The following ETF1 variants were observed in gnomAD, a reference collection of about 807,000 sequenced individuals.
ETF1 encodes eukaryotic peptide chain release factor subunit 1.
ETF1 carries 4 observed loss-of-function variants against 55.1 expected under a neutral mutation model. That is an observed-to-expected ratio of 0.07 (90% confidence interval 0.04 to 0.17). The LOEUF (loss-of-function observed/expected upper bound fraction) is 0.17, where lower values mean the gene tolerates loss of function less well. ETF1 is among the 10% of genes least tolerant of loss of function. The pLI is 1.00. For missense variants in ETF1, 142 were observed against 523.6 expected, an observed-to-expected ratio of 0.27 and a Z score of 7.11; for synonymous variants, 157 against 182.3, an observed-to-expected ratio of 0.86 and a Z score of 1.12.
intron 2 of ETF1, among the ~76,000 whole-genome samples, chr5:138,521,640 C>A (rs919829131): frequency 5.9e-5 from 9 of 152,186 alleles, no homozygotes; most frequent in African/African-American, 2.2e-4. Context: ...GATTCTCCTG[C>A]CTCAGCCTCC....
chr5:138,535,070 C>T (rs1765862239), intron 2 of ETF1, among the ~76,000 whole-genome samples: 1 of 150,964 alleles, frequency 6.6e-6, no homozygotes, highest in African/African-American at 2.4e-5. Flanking sequence ...CTTGCCTCAG[C>T]CTCCCGAGTA....
chr5:138,524,190 C>G (rs1055267426), intron 2 of ETF1, among the ~76,000 whole-genome samples: 7 of 74,310 alleles, frequency 9.4e-5, no homozygotes, highest in African/African-American at 3.7e-4. Context: ...GACTCTGTCT[C>G]AAAAAAAAAA....
Position 138,508,292 on chromosome 5 carries a change from C to T in ETF1, c.*13G>A. The T allele has an allele frequency of 6.2e-7, 1 of 1,611,820 alleles. No homozygotes were observed. The highest frequency in any genetic ancestry group is 8.5e-7 in the Non-Finnish European group (1 of 1,179,364). The stretch of plus-strand genomic sequence containing the variant: ...GAGGGTGAGGCACGTTTTGCCGGAC[C>T]CATGTCGACTACCTAGTAGTCATCA... On this transcript the variant is annotated 3_prime_UTR_variant, in exon 11 of 11. Transcript: ENST00000360541.
chr5:138,534,296 C>T (rs1765824955), intron 2 of ETF1, among the ~76,000 whole-genome samples: 1 of 152,114 alleles, frequency 6.6e-6, no homozygotes, highest in South Asian at 2.1e-4. Context: ...CAATGATAGG[C>T]ATTATTAGTC....
Position 138,528,895 on chromosome 5 carries a change from C to G in ETF1, c.87-10028G>C, listed in dbSNP as rs186537167. Among the ~76,000 whole-genome samples the G allele has an allele frequency of 2.2e-4, 34 of 152,092 alleles. No individual in the cohort carries two copies. In the East Asian group the frequency reaches 5.6e-3, roughly 25 times the overall value. ...GGCATGGTGGCTCATGTCTGTAATC[C>G]CAGGACTTTGGGAAGCCGAGACAGG... On this transcript the variant is annotated intron_variant, in intron 2 of 10. Transcript: ENST00000360541.
At chr5:138,527,540 A>G (rs1765523864) in intron 2 of ETF1, among the ~76,000 whole-genome samples, 1 of 152,226 alleles carries the variant, frequency 6.6e-6, no homozygotes, top group Non-Finnish European at 1.5e-5. Context: ...GCCAATGGAG[A>G]GAAAAGATAC....
At chr5:138,511,625 T>C (rs1764790267) in intron 6 of ETF1, 21 bp from the exon 7 acceptor site, 7 of 1,586,224 alleles carry the variant, frequency 4.4e-6, no homozygotes, top group Non-Finnish European at 6.0e-6. Flanking sequence ...AAAAAAATAT[T>C]ATTAGTACTT....
intron 3 of ETF1, chr5:138,517,967 C>T (rs1195637858): frequency 6.3e-5 from 49 of 774,042 alleles, no homozygotes; most frequent in Middle Eastern, 1.3e-3. Flanking sequence ...TCTGGGAGGC[C>T]GAGGTAGGCG....
intron 2 of ETF1, among the ~76,000 whole-genome samples, chr5:138,524,798 G>T (rs901339487): frequency 6.6e-6 from 1 of 151,838 alleles, no homozygotes; most frequent in Non-Finnish European, 1.5e-5. Flanking sequence ...GGATGGTCTT[G>T]ATCTCCTGAC....
At chr5:138,521,731 T>C (rs1369696038) in intron 2 of ETF1, among the ~76,000 whole-genome samples, 3 of 152,058 alleles carry the variant, frequency 2.0e-5, no homozygotes, top group African/African-American at 4.8e-5. Context: ...GGTTTCACCA[T>C]GTTGGCCAGG....
At chr5:138,541,446 C>G in intron 2 of ETF1, 1 of 1,134,594 alleles carries the variant, frequency 8.8e-7, no homozygotes, top group East Asian at 2.6e-5. Context: ...TGAATGGGGC[C>G]AAACTTTTAG....
intron 2 of ETF1, among the ~76,000 whole-genome samples, chr5:138,537,814 T>A (rs946340745): frequency 6.6e-6 from 1 of 151,838 alleles, no homozygotes; most frequent in African/African-American, 2.4e-5. Flanking sequence ...TCTCCTGACC[T>A]TGTGACCTGC....
rs950782399 is a variant in ETF1, at chr5:138,506,248, A to C, written c.*2057T>G. On this transcript the variant is annotated 3_prime_UTR_variant, in exon 11 of 11. Transcript: ENST00000360541. Reference sequence around the variant, plus strand: ...GTGTTTGTATGTGTAAGTGTAATACATATCAATATATATTGATACACACAT... The same window carrying C: ...GTGTTTGTATGTGTAAGTGTAATACCTATCAATATATATTGATACACACAT... 6.6e-6 allele frequency: 1 copy of C among 152,644 alleles called. No individual in the cohort carries two copies. Among genetic ancestry groups the C allele is most frequent in the African/African-American group, 2.4e-5 (1 of 41,454 alleles). 9.5% of individuals were successfully genotyped at this position (152,644 alleles called of 1,614,324 possible). A position where few individuals can be genotyped will look rare whatever the true frequency, so the allele number is the denominator to read the frequency against.
chr5:138,538,241 GTGCAGTGGCGGAATCCCGGCTC>G (rs1420223383), intron 2 of ETF1, among the ~76,000 whole-genome samples: 109 of 141,460 alleles, frequency 7.7e-4, no homozygotes, highest in African/African-American at 1.3e-3. Context: ...CCAGGCTGGA[GTGCAGTGGCGGAATCCCGGCTC>G]ACTGCAACCT....
chr5:138,542,835 G>A lies in ETF1; in HGVS notation c.84C>T (p.Arg28=). The change falls in exon 2 of 11, where the codon CGC becomes CGT. Residue 28 remains arginine (R), a splice_region_variant and synonymous_variant. Transcript: ENST00000360541. ...KKLIKSLEAA[R]GNGTSMISLI... ...AGGGTGCCGGACGCGGCGCTCACCC[G>A]CGGGCCGCCTCCAAGCTCTTAATGA... The A allele has an allele frequency of 6.2e-7, 1 of 1,612,530 alleles. No individual in the cohort carries two copies. The highest frequency in any genetic ancestry group is 1.1e-5 in the South Asian group (1 of 91,006).
chr5:138,518,203 C>CAAA (rs35745884), intron 3 of ETF1, among the ~76,000 whole-genome samples: 39 of 80,394 alleles, frequency 4.9e-4, no homozygotes, highest in African/African-American at 1.2e-3. Context: ...TGTCTCATCC[C>CAAA]AAAAAAAAAA....
At chr5:138,509,756 G>A (rs1031517299) in intron 9 of ETF1, among the ~76,000 whole-genome samples, 6 of 151,938 alleles carry the variant, frequency 3.9e-5, no homozygotes, top group African/African-American at 9.7e-5. Flanking sequence ...TTAGTCAGGC[G>A]TGGTGGCGGG....
intron 2 of ETF1, among the ~76,000 whole-genome samples, chr5:138,525,285 G>C (rs949072032): frequency 9.9e-5 from 15 of 151,756 alleles, no homozygotes; most frequent in Admixed American, 5.2e-4. Flanking sequence ...AGCCTCCCAA[G>C]TAGCTGGGAG....
intron 3 of ETF1, chr5:138,517,957 T>TG: frequency 7.0e-6 from 6 of 858,806 alleles, no homozygotes; most frequent in Non-Finnish European, 8.4e-6. Context: ...ATCCCAGCAC[T>TG]CTGGGAGGCC....
Sources: allele counts gnomAD v4.1 joint callset (sites outside exome capture counted in the v4.1 genomes callset), GRCh38; gene constraint gnomAD v4.1.1; transcripts MANE v1.5; gene names NCBI Gene and HGNC (gene_info 2026-07-23, HGNC 2026-07-21).